Variants in PTPRB observed in about 807,000 individuals in gnomAD.
PTPRB encodes protein tyrosine phosphatase receptor type B, also known as receptor-type tyrosine-protein phosphatase beta.
Under a neutral mutation model 238.1 loss-of-function variants are expected in PTPRB, and 97 were observed. The observed-to-expected ratio is 0.41, with a 90% confidence interval of 0.35 to 0.48. The LOEUF (loss-of-function observed/expected upper bound fraction) is 0.48. Among genes scored for constraint, PTPRB ranks in the 20% least tolerant of loss-of-function variants. The pLI, the probability that PTPRB is intolerant of heterozygous loss-of-function variation, is 0.30. For synonymous variants in PTPRB, 970 were observed against 995.4 expected, an observed-to-expected ratio of 0.97 and a Z score of 0.48; for missense variants, 2,292 against 2,681.9, an observed-to-expected ratio of 0.85 and a Z score of 3.21.
rs781448595 is a variant in PTPRB, at chr12:70,555,861, G to A, written c.4993+9C>T. On this transcript the variant is annotated intron_variant, in intron 19 of 33. Transcript: ENST00000334414. ...AGGAGGCTCTGTGCGCACCTCCAGG[G>A]ACACTTACGGTCTATCATTGTGATA... 1.2e-6 allele frequency: 2 copies of A among 1,611,202 alleles called. No homozygotes were observed. The highest frequency in any genetic ancestry group is 2.7e-5 in the African/African-American group (2 of 74,838).
At position 70,577,124 on chromosome 12, in the gene PTPRB, T is replaced by G. The variant is rs546240548; in HGVS notation, c.2579-479A>C. ...AGACCTTAAACTGGGATAGCTTCAATTTTTTTGTGATGAAGTTATTCATTC... is the reference window on the plus strand; with the variant it reads ...AGACCTTAAACTGGGATAGCTTCAAGTTTTTTGTGATGAAGTTATTCATTC... On this transcript the variant is annotated intron_variant, in intron 10 of 33. Coordinates refer to ENST00000334414, the MANE Select transcript of PTPRB (RefSeq NM_001109754.4). Among the ~76,000 whole-genome samples the G allele has an allele frequency of 2.2e-3, 333 of 152,302 alleles. 1 individual carries two copies. Among genetic ancestry groups the G allele is most frequent in the Non-Finnish European group, 3.7e-3 (253 of 68,014 alleles).
At position 70,555,350 on chromosome 12, in the gene PTPRB, C is replaced by T. The variant is rs556824006; in HGVS notation, c.4994-41G>A. 21 of 1,570,802 alleles carry T rather than the reference C, an allele frequency of 1.3e-5. 1 individual carries two copies. The highest frequency in any genetic ancestry group is 8.1e-5 in the African/African-American group (6 of 74,302). On this transcript the variant is annotated intron_variant, in intron 19 of 33. Coordinates refer to ENST00000334414, the MANE Select transcript of PTPRB (RefSeq NM_001109754.4). ...GGGAAGGAACCAAGAGGGGTCACAA[C>T]TCTGCTTTCACAGCATAAACAACAG...
At chr12:70,566,348 G>A in intron 15 of PTPRB, 87 bp downstream of exon 15, 1 of 1,457,990 alleles carries the variant, frequency 6.9e-7, no homozygotes, top group Non-Finnish European at 9.2e-7. Flanking sequence ...ATCTCCCAAT[G>A]TTGCTTCATC....
chr12:70,539,999 G>A lies in PTPRB; in HGVS notation c.5618C>T (p.Ala1873Val), dbSNP rs1592422318. 1.9e-6 allele frequency: 3 copies of A among 1,609,836 alleles called. No individual in the cohort carries two copies. The African/African-American group carries it at 4.0e-5, about 22-fold the overall frequency. The change falls in exon 24 of 34, where the codon GCC becomes GTC. Residue 1873 changes from alanine (A) to valine (V), a missense_variant. Ala to Val is a moderately conservative substitution (Grantham distance 64). Transcript: ENST00000334414. ...KVSHGRERPS[A>V]RLSIRRDRPL... ...TCGATCCCTACGAATGCTCAGACGGGCAGAGGGTCTTTCTCGACCATGGCT... is the reference window on the plus strand; with the variant it reads ...TCGATCCCTACGAATGCTCAGACGGACAGAGGGTCTTTCTCGACCATGGCT...
chr12:70,624,181 G>A (rs990108245), intron 2 of PTPRB, among the ~76,000 whole-genome samples: 1 of 152,014 alleles, frequency 6.6e-6, no homozygotes, highest in Non-Finnish European at 1.5e-5. Flanking sequence ...GTATAATTCA[G>A]TATATTTAGT....
At chr12:70,626,652 G>A (rs1885218927) in intron 2 of PTPRB, among the ~76,000 whole-genome samples, 1 of 152,046 alleles carries the variant, frequency 6.6e-6, no homozygotes, top group Admixed American at 6.6e-5. Flanking sequence ...GAGGATGTGT[G>A]TAGGTTATAT....
intron 29 of PTPRB, among the ~76,000 whole-genome samples, 191 bp downstream of exon 29, chr12:70,535,834 A>G (rs1874044233): frequency 6.6e-6 from 1 of 152,220 alleles, no homozygotes; most frequent in Non-Finnish European, 1.5e-5. Context: ...CTGGAACTTC[A>G]GACCCAGAAT....
At position 70,539,275 on chromosome 12, in the gene PTPRB, C is replaced by T. The variant is rs529520535; in HGVS notation, c.5779-261G>A. The T allele has an allele frequency of 2.4e-5, 13 of 550,702 alleles. No homozygotes were observed. The African/African-American group carries it at 2.4e-4, about 10-fold the overall frequency. 34.1% of individuals were successfully genotyped at this position (550,702 alleles called of 1,614,324 possible). ...CAAGTGGCAAACCTGAGAATCAGTTCCAAAAGCTACGTGCTTTTTGCGAAA... is the reference window on the plus strand; with the variant it reads ...CAAGTGGCAAACCTGAGAATCAGTTTCAAAAGCTACGTGCTTTTTGCGAAA... On this transcript the variant is annotated intron_variant, in intron 26 of 33. Transcript: ENST00000334414.
chr12:70,546,330 G>C (rs1875968070), intron 21 of PTPRB, among the ~76,000 whole-genome samples: 1 of 152,068 alleles, frequency 6.6e-6, no homozygotes, highest in South Asian at 2.1e-4. Flanking sequence ...AAAATCAGCT[G>C]GTCCTAAATT....
chr12:70,555,019 T>C, intron 20 of PTPRB, 141 bp downstream of exon 20: 3 of 922,228 alleles, frequency 3.3e-6, no homozygotes, highest in Non-Finnish European at 4.8e-6. Context: ...TCTCCCTGTA[T>C]CCAGCAGAGA....
At chr12:70,566,331 A>C in intron 15 of PTPRB, 104 bp downstream of exon 15, 1 of 1,364,068 alleles carries the variant, frequency 7.3e-7, no homozygotes, top group Non-Finnish European at 9.9e-7. Context: ...ATCAAGAGAT[A>C]GATATCATCT....
At position 70,556,100 on chromosome 12, in the gene PTPRB, GC is replaced by G; in HGVS notation, c.4762del (p.Ala1588ProfsTer44). ...NLHCRPQNST[A>X]IACSWIPPDS... ...AGGAGGGATCCAAGAACAGGCAATG[GC>G]CGTGGAGTTCTGAGGCCGGCAATGC... On this transcript the variant is annotated frameshift_variant, in exon 19 of 34. Coordinates refer to ENST00000334414, the MANE Select transcript of PTPRB (RefSeq NM_001109754.4). LOFTEE classifies it high-confidence loss of function. 6.2e-7 allele frequency: 1 copy of G among 1,613,804 alleles called. No individual in the cohort carries two copies. Among genetic ancestry groups the G allele is most frequent in the Non-Finnish European group, 8.5e-7 (1 of 1,179,728 alleles).
At chr12:70,547,783 A>T (rs1353014123) in intron 21 of PTPRB, among the ~76,000 whole-genome samples, 1 of 152,098 alleles carries the variant, frequency 6.6e-6, no homozygotes, top group East Asian at 1.9e-4. Flanking sequence ...CTCGGATTAC[A>T]AGTGTGAGCC....
intron 3 of PTPRB, chr12:70,609,741 C>T (rs755865817): frequency 1.3e-6 from 2 of 1,556,152 alleles, no homozygotes; most frequent in African/African-American, 1.5e-5. Flanking sequence ...TCAGCTCTGA[C>T]CCCTTCTCGG....
Position 70,544,589 on chromosome 12 carries a change from G to A in PTPRB, c.5462C>T (p.Thr1821Ile). The change falls in exon 22 of 34, where the codon ACA becomes ATA. Residue 1821 changes from threonine (T) to isoleucine (I), a missense_variant. Around this residue, in one of 4 missense-constraint regions of PTPRB, gnomAD observed 397 missense variants for 502.0 expected, o/e 0.79. Transcript: ENST00000334414. Reference sequence around the variant, plus strand: ...AGTAGTGATGGGTAAAGAAAAAAATGTGTCTGAATAGAGTGGCTTTGTGAA... The same window carrying A: ...AGTAGTGATGGGTAAAGAAAAAAATATGTCTGAATAGAGTGGCTTTGTGAA... ...KEFTKPLYSD[T>I]FFSLPITTES... 6.2e-7 allele frequency: 1 copy of A among 1,612,208 alleles called. No individual in the cohort carries two copies. The highest frequency in any genetic ancestry group is 8.5e-7 in the Non-Finnish European group (1 of 1,179,204).
chr12:70,534,612 G>C lies in PTPRB; in HGVS notation c.6244C>G (p.His2082Asp). 1 of 1,612,836 alleles carries C rather than the reference G, an allele frequency of 6.2e-7. No individual in the cohort carries two copies. The change falls in exon 31 of 34, where the codon CAC (histidine) becomes GAC (aspartate). Residue 2082 changes from histidine to aspartate, a missense_variant. By Grantham distance (81) the His-to-Asp change is moderately conservative. Coordinates refer to ENST00000334414, the MANE Select transcript of PTPRB (RefSeq NM_001109754.4). ...CCATGGTCTGGCCACACCGTATAGT[G>C]AAAGTGGCGGATGAGTCTGTGTGCA... ...LDAHRLIRHFHYTVWPDHGVP... is the reference protein window; with the variant it reads ...LDAHRLIRHFDYTVWPDHGVP...
chr12:70,589,889 G>A (rs1273639880), intron 8 of PTPRB, 75 bp downstream of exon 8: 3 of 1,426,324 alleles, frequency 2.1e-6, no homozygotes, highest in South Asian at 2.6e-5. Flanking sequence ...TAGCAGTTAC[G>A]GCAGTTACCT....
intron 3 of PTPRB, among the ~76,000 whole-genome samples, chr12:70,621,479 G>C (rs1025871229): frequency 3.9e-5 from 6 of 152,132 alleles, no homozygotes; most frequent in Admixed American, 1.3e-4. Flanking sequence ...GAAGAACTAG[G>C]TCACAGGAAA....
chr12:70,538,863 G>T, intron 27 of PTPRB, 61 bp downstream of exon 27: 1 of 1,331,000 alleles, frequency 7.5e-7, no homozygotes, highest in Non-Finnish European at 1.1e-6. Context: ...TTTCATTTTT[G>T]GAGAAAAATG....
Sources: allele counts gnomAD v4.1 joint callset (sites outside exome capture counted in the v4.1 genomes callset), GRCh38; gene constraint gnomAD v4.1.1; regional missense constraint gnomAD v4.1.1; transcripts MANE v1.5; gene names NCBI Gene and HGNC (gene_info 2026-07-23, HGNC 2026-07-21).